SLC7A2: variants seen among roughly 807,000 people sequenced by gnomAD.
SLC7A2 encodes solute carrier family 7 member 2.
In SLC7A2, 48 loss-of-function variants were observed where a neutral mutation model predicts 58.9. The observed-to-expected ratio is 0.82, with a 90% CI of 0.65 to 1.04. The LOEUF is 1.04. Ranked by LOEUF, SLC7A2 falls within the 50% of genes least tolerant of loss-of-function variation. The pLI is 0.00. For missense variants in SLC7A2, 1,029 were observed against 818.8 expected (o/e 1.26, Z -3.13); for synonymous variants, 363 against 314.5 (o/e 1.15, Z -1.63).
chr8:17,531,212 G>A (rs1227358457), intron 2 of SLC7A2, among the ~76,000 whole-genome samples: 1 of 152,174 alleles, frequency 6.6e-6, no homozygotes, highest in African/African-American at 2.4e-5. Flanking sequence ...TAAAGAAGCA[G>A]CAAGAGCGGG....
rs1802472283 is a variant in SLC7A2 at position 17,551,931 on chromosome 8, T to C, written c.1000T>C (p.Trp334Arg). The C allele has an allele frequency of 6.2e-7, 1 of 1,614,004 alleles. No individual in the cohort carries two copies. The highest frequency in any genetic ancestry group is 2.2e-5 in the East Asian group (1 of 44,838). Residue 334 changes from tryptophan to arginine, a missense_variant, in exon 7 of 13, where the codon TGG becomes CGG. Coordinates refer to ENST00000494857, the MANE Select transcript of SLC7A2 (RefSeq NM_001370338.1). ...PLPVAFEYVG[W>R]GPAKYVVAAG... The stretch of plus-strand genomic sequence containing the variant: ...TCCTGTAGCGTTTGAATATGTGGGA[T>C]GGGGTCCTGCCAAATATGTCGTCGC...
chr8:17,533,568 T>G (rs1238726509), intron 2 of SLC7A2, among the ~76,000 whole-genome samples: 1 of 152,180 alleles, frequency 6.6e-6, no homozygotes, highest in East Asian at 1.9e-4. Context: ...GGGATACACT[T>G]TGGCTCTCTT....
At position 17,565,153 on chromosome 8, in the gene SLC7A2, C is replaced by A. The variant is rs527383903; in HGVS notation, c.*7C>A. The stretch of plus-strand genomic sequence containing the variant: ...AAAGACAAGTGAATTCTAACACTTG[C>A]AGGAGCAGAGCTGGTCATCGTCTTA... On this transcript the variant is annotated 3_prime_UTR_variant, in exon 13 of 13. Transcript: ENST00000494857. 44 of 1,602,608 alleles carry A rather than the reference C, an allele frequency of 2.7e-5. No individual in the cohort carries two copies. The Admixed American group carries it at 5.0e-4, about 18-fold the overall frequency.
chr8:17,521,038 C>A (rs1003161720), intron 2 of SLC7A2, among the ~76,000 whole-genome samples: 1 of 151,974 alleles, frequency 6.6e-6, no homozygotes, highest in Non-Finnish European at 1.5e-5. Context: ...CACATAGTAC[C>A]ATAATGATAG....
At position 17,560,540 on chromosome 8, in the gene SLC7A2, C is replaced by T; in HGVS notation, c.1504+7C>T. On this transcript the variant is annotated splice_region_variant and intron_variant, in intron 10 of 12. Coordinates refer to ENST00000494857, the MANE Select transcript of SLC7A2 (RefSeq NM_001370338.1). ...TTTCTGGTAGGATTCCTAGGTAAGT[C>T]TTCTTCTCTGCTTACATTGTACAGA... The T allele has an allele frequency of 6.2e-7, 1 of 1,607,970 alleles. No homozygotes were observed. The highest frequency in any genetic ancestry group is 1.7e-5 in the Admixed American group (1 of 59,984).
chr8:17,555,230 A>G (rs1032235591), intron 8 of SLC7A2: 21 of 714,526 alleles, frequency 2.9e-5, no homozygotes, highest in Non-Finnish European at 4.2e-5. Context: ...CATTGGGATT[A>G]ACATGTGAAA....
At chr8:17,559,678 A>T (rs1382673191) in intron 9 of SLC7A2, among the ~76,000 whole-genome samples, 1 of 152,230 alleles carries the variant, frequency 6.6e-6, no homozygotes, top group Non-Finnish European at 1.5e-5. Context: ...ATTAGCTCCC[A>T]CTGGGTCCCT....
At chr8:17,501,205 G>A (rs931866336) in intron 1 of SLC7A2, among the ~76,000 whole-genome samples, 1 of 151,970 alleles carries the variant, frequency 6.6e-6, no homozygotes, top group African/African-American at 2.4e-5. Context: ...GTATAGATGG[G>A]GTTTCACCAT....
chr8:17,546,017 A>C (rs2150744442), intron 4 of SLC7A2, among the ~76,000 whole-genome samples: 1 of 152,298 alleles, frequency 6.6e-6, no homozygotes, highest in Admixed American at 6.5e-5. Context: ...GTAGATCTAA[A>C]ATGTTTTGCA....
intron 2 of SLC7A2, among the ~76,000 whole-genome samples, chr8:17,537,938 AT>A (rs976918028): frequency 2.0e-5 from 3 of 151,590 alleles, no homozygotes; most frequent in South Asian, 2.1e-4. Context: ...GCTTCATTTA[AT>A]TTTTTTTTCT....
At chr8:17,544,797 G>A (rs774183661) in intron 4 of SLC7A2, among the ~76,000 whole-genome samples, 191 bp downstream of exon 4, 12 of 152,182 alleles carry the variant, frequency 7.9e-5, no homozygotes, top group Non-Finnish European at 1.2e-4. Flanking sequence ...TAAATTGTGT[G>A]CAATGGTAAA....
chr8:17,557,830 A>G (rs1385472267), intron 8 of SLC7A2, among the ~76,000 whole-genome samples: 1 of 125,190 alleles, frequency 8.0e-6, no homozygotes, highest in Non-Finnish European at 1.6e-5. Context: ...CTGTCTCAAA[A>G]AAGAAAAAAA....
chr8:17,547,785 AGTGTGTGTGTGTGTGTGTGTGTGT>A (rs35052068), intron 4 of SLC7A2, among the ~76,000 whole-genome samples: 1 of 144,710 alleles, frequency 6.9e-6, no homozygotes, highest in South Asian at 2.2e-4. Flanking sequence ...GGCACAAAAG[AGTGTGTGTGTGTGTGTGTGTGTGT>A]GTGTGTGTGT....
chr8:17,545,518 C>A (rs941319744), intron 4 of SLC7A2, among the ~76,000 whole-genome samples: 1 of 150,574 alleles, frequency 6.6e-6, no homozygotes, highest in African/African-American at 2.5e-5. Flanking sequence ...CTGCCTCAGC[C>A]TCCTGAGTAG....
chr8:17,527,727 C>T (rs1801276142), intron 2 of SLC7A2, among the ~76,000 whole-genome samples: 1 of 152,146 alleles, frequency 6.6e-6, no homozygotes, highest in Non-Finnish European at 1.5e-5. Context: ...TCTCACATGG[C>T]ATTTTCTTCT....
At position 17,566,808 on chromosome 8, in the gene SLC7A2, A is replaced by G. The variant is rs984601935; in HGVS notation, c.*1662A>G. The G allele has an allele frequency of 9.2e-5, 14 of 152,172 alleles. No individual in the cohort carries two copies. Among genetic ancestry groups the G allele is most frequent in the African/African-American group, 3.1e-4 (13 of 41,444 alleles). The allele number at this position is 152,172 out of a possible 1,614,324, so 9.4% of individuals were successfully genotyped here. A position where few individuals can be genotyped will look rare whatever the true frequency, so the allele number is the denominator to read the frequency against. On this transcript the variant is annotated 3_prime_UTR_variant, in exon 13 of 13. Coordinates refer to ENST00000494857, the MANE Select transcript of SLC7A2 (RefSeq NM_001370338.1). ...AAATCATTAAATAGTTCATTGGATGAGGCTGGGTGACATTTCCCAGGACAG... is the reference window on the plus strand; with the variant it reads ...AAATCATTAAATAGTTCATTGGATGGGGCTGGGTGACATTTCCCAGGACAG...
In SLC7A2 at chr8:17,566,577, G is replaced by C. The variant is rs142782143; in HGVS notation, c.*1431G>C. ...CAGTGATTGGGGAATCAAACATTTT[G>C]GTTTAAAAAACATGATTATTTAAAA... On this transcript the variant is annotated 3_prime_UTR_variant, in exon 13 of 13. Transcript: ENST00000494857. The C allele has an allele frequency of 1.1e-3, 170 of 151,892 alleles. 1 individual carries two copies. The highest frequency in any genetic ancestry group is 4.0e-3 in the African/African-American group (166 of 41,416). The allele number at this position is 151,892 out of a possible 1,614,324, so 9.4% of individuals were successfully genotyped here. A position where few individuals can be genotyped will look rare whatever the true frequency, so the allele number is the denominator to read the frequency against.
At chr8:17,494,797 A>G (rs1459693856), upstream of SLC7A2, among the ~76,000 whole-genome samples, 4 of 152,260 alleles carry the variant, frequency 2.6e-5, no homozygotes, top group Admixed American at 6.5e-5. Context: ...ATGTTAAGTC[A>G]AGAACTAGTG....
intron 2 of SLC7A2, among the ~76,000 whole-genome samples, chr8:17,535,386 G>A (rs1199533596): frequency 6.6e-6 from 1 of 151,982 alleles, no homozygotes; most frequent in Non-Finnish European, 1.5e-5. Context: ...CTAACTACCT[G>A]TATCCCCGTC....
Sources: allele counts gnomAD v4.1 joint callset (sites outside exome capture counted in the v4.1 genomes callset), GRCh38; gene constraint gnomAD v4.1.1; transcripts MANE v1.5; gene names NCBI Gene and HGNC (gene_info 2026-07-23, HGNC 2026-07-21).